The following FHIT variants were observed in gnomAD, a reference collection of about 807,000 sequenced individuals.
FHIT encodes fragile histidine triad diadenosine triphosphatase.
Under a neutral mutation model 17.9 loss-of-function variants are expected in FHIT, and 19 were observed. That is an observed-to-expected ratio of 1.06 (90% CI 0.74 to 1.56). The LOEUF (loss-of-function observed/expected upper bound fraction) is 1.56, where lower values mean the gene tolerates loss of function less well. FHIT is among the 40% of genes most tolerant of loss of function. The probability of loss-of-function intolerance (pLI) is 0.00; values close to 1 mark genes in which losing one functional copy is unlikely to be tolerated. For synonymous variants in FHIT, 81 were observed against 69.7 expected (o/e 1.16, Z -0.81); for missense variants, 248 against 189.2 (o/e 1.31, Z -1.82).
intron 5 of FHIT, among the ~76,000 whole-genome samples, chr3:60,058,707 C>T (rs1431050862): frequency 6.6e-6 from 1 of 152,152 alleles, no homozygotes; most frequent in Non-Finnish European, 1.5e-5. Flanking sequence ...GGCATGCCAA[C>T]TCAAATCCAC....
chr3:59,946,604 A>G (rs942284410), intron 7 of FHIT, among the ~76,000 whole-genome samples: 2 of 152,166 alleles, frequency 1.3e-5, no homozygotes, highest in Non-Finnish European at 2.9e-5. Flanking sequence ...TACAGTTCTC[A>G]AGGGGAATGC....
intron 5 of FHIT, among the ~76,000 whole-genome samples, chr3:60,331,810 C>T (rs1329216538): frequency 1.3e-5 from 2 of 150,416 alleles, no homozygotes; most frequent in East Asian, 2.0e-4. Flanking sequence ...TGCGCCGTTG[C>T]ACTCCAGCCT....
In FHIT at chr3:60,764,258, C is replaced by T. The variant is rs536077556; in HGVS notation, c.-18+57661G>A. On this transcript the variant is annotated intron_variant, in intron 4 of 9. Coordinates refer to ENST00000492590, the MANE Select transcript of FHIT (RefSeq NM_002012.4). ...CTGGGTAGGAAAATGCACACACACA[C>T]ACACACACATATACTAGACACACTG... is the stretch of plus-strand genomic sequence containing the variant. Among the ~76,000 whole-genome samples, 694 of 152,226 alleles carry T rather than the reference C, an allele frequency of 4.6e-3. 6 individuals carry two copies. The highest frequency in any genetic ancestry group is 0.016 in the African/African-American group (677 of 41,520).
chr3:60,586,149 A>G lies in FHIT; in HGVS notation c.-17-49170T>C, dbSNP rs908305739. Among the ~76,000 whole-genome samples the G allele has an allele frequency of 2.0e-5, 3 of 151,954 alleles. No individual in the cohort carries two copies. The East Asian group carries it at 5.8e-4, about 29-fold the overall frequency. The stretch of plus-strand genomic sequence containing the variant: ...GGAAATCATCTGAGATCCCTCTCAC[A>G]TGAGCACACTGGCTGCAGTAAAATG... On this transcript the variant is annotated intron_variant, in intron 4 of 9. Transcript: ENST00000492590.
intron 4 of FHIT, among the ~76,000 whole-genome samples, chr3:60,671,385 T>G (rs2040500184): frequency 6.6e-6 from 1 of 152,030 alleles, no homozygotes; most frequent in Non-Finnish European, 1.5e-5. Context: ...TTCCTGGAAC[T>G]TTACAGAGTA....
chr3:60,429,717 G>C (rs566284291), intron 5 of FHIT, among the ~76,000 whole-genome samples: 3 of 152,020 alleles, frequency 2.0e-5, no homozygotes, highest in Non-Finnish European at 2.9e-5. Context: ...AGAATAAAAG[G>C]TTACTAGTTG....
At chr3:61,203,843 T>C (rs1159002277) in intron 1 of FHIT, among the ~76,000 whole-genome samples, 2 of 152,200 alleles carry the variant, frequency 1.3e-5, no homozygotes, top group Non-Finnish European at 2.9e-5. Context: ...TCTTTCTCTG[T>C]CTATATAAGC....
At chr3:60,553,026 C>G (rs973287777) in intron 4 of FHIT, among the ~76,000 whole-genome samples, 1 of 152,296 alleles carries the variant, frequency 6.6e-6, no homozygotes, top group African/African-American at 2.4e-5. Flanking sequence ...GGCGCCCTGT[C>G]CAGGGTGGGC....
intron 5 of FHIT, among the ~76,000 whole-genome samples, chr3:60,163,171 G>A (rs1448669409): frequency 2.6e-5 from 4 of 152,042 alleles, no homozygotes; most frequent in Non-Finnish European, 5.9e-5. Context: ...TGGAAACTGA[G>A]AACTGCACAG....
At chr3:60,653,949 T>C (rs1371070412) in intron 4 of FHIT, among the ~76,000 whole-genome samples, 9 of 152,176 alleles carry the variant, frequency 5.9e-5, no homozygotes, top group Admixed American at 4.6e-4. Flanking sequence ...TGGGAGGTGT[T>C]TGGATCATGG....
At chr3:60,924,132 G>T (rs1276422716) in intron 3 of FHIT, among the ~76,000 whole-genome samples, 1 of 152,202 alleles carries the variant, frequency 6.6e-6, no homozygotes, top group Non-Finnish European at 1.5e-5. Context: ...ACCTCTGGGG[G>T]CAGGGCATAG....
chr3:60,949,915 A>C (rs1553776754), intron 3 of FHIT, among the ~76,000 whole-genome samples: 1 of 152,232 alleles, frequency 6.6e-6, no homozygotes, highest in African/African-American at 2.4e-5. Context: ...GTTCAAATTA[A>C]TTATGGTATA....
At chr3:61,010,125 C>T (rs1472604893) in intron 3 of FHIT, among the ~76,000 whole-genome samples, 1 of 151,830 alleles carries the variant, frequency 6.6e-6, no homozygotes, top group Non-Finnish European at 1.5e-5. Context: ...TATCTCTGCG[C>T]ATATCTTCAA....
At chr3:60,290,120 A>C (rs908539913) in intron 5 of FHIT, among the ~76,000 whole-genome samples, 9 of 152,274 alleles carry the variant, frequency 5.9e-5, no homozygotes, top group Admixed American at 4.6e-4. Context: ...ATGCTTCAGC[A>C]TTCCAATTTG....
intron 5 of FHIT, among the ~76,000 whole-genome samples, chr3:60,196,497 T>C (rs1202606101): frequency 6.6e-6 from 1 of 152,052 alleles, no homozygotes; most frequent in Non-Finnish European, 1.5e-5. Context: ...AATCCCCCTA[T>C]CCCAAAATTT....
intron 5 of FHIT, among the ~76,000 whole-genome samples, chr3:60,268,327 A>G (rs1053896371): frequency 3.3e-5 from 5 of 152,334 alleles, no homozygotes; most frequent in Admixed American, 3.3e-4. Flanking sequence ...TTAGATTACT[A>G]ACAGTGTTGG....
chr3:61,187,703 T>G (rs2038563883), intron 2 of FHIT, among the ~76,000 whole-genome samples: 2 of 152,142 alleles, frequency 1.3e-5, no homozygotes, highest in Non-Finnish European at 2.9e-5. Flanking sequence ...TCAGCAAATG[T>G]AAAAGAACAG....
chr3:60,165,382 T>C (rs1475370357), intron 5 of FHIT, among the ~76,000 whole-genome samples: 1 of 152,184 alleles, frequency 6.6e-6, no homozygotes, highest in Non-Finnish European at 1.5e-5. Flanking sequence ...TGGAAAGTGG[T>C]GAACTTTAGG....
intron 5 of FHIT, among the ~76,000 whole-genome samples, chr3:60,198,494 G>C (rs1702748389): frequency 6.6e-6 from 1 of 152,138 alleles, no homozygotes; most frequent in African/African-American, 2.4e-5. Flanking sequence ...CCTACTGCAT[G>C]CATACCTTCC....
Sources: allele counts gnomAD v4.1 joint callset (sites outside exome capture counted in the v4.1 genomes callset), GRCh38; gene constraint gnomAD v4.1.1; transcripts MANE v1.5; gene names NCBI Gene and HGNC (gene_info 2026-07-23, HGNC 2026-07-21).